Variants in FGB observed in about 807,000 individuals in gnomAD.
The protein encoded by FGB is fibrinogen beta chain, also known as beta-fibrinogen.
FGB carries 25 observed loss-of-function variants against 57.9 expected under a neutral mutation model. That is an observed-to-expected ratio of 0.43 (90% CI 0.31 to 0.60). The LOEUF (loss-of-function observed/expected upper bound fraction) is 0.60, where lower values mean the gene tolerates loss of function less well. FGB is among the 20% of genes least tolerant of loss of function. The probability of loss-of-function intolerance (pLI) is 0.08; values close to 1 mark genes in which losing one functional copy is unlikely to be tolerated. For missense variants in FGB, 536 were observed against 598.4 expected (o/e 0.90, Z 1.09); for synonymous variants, 203 against 199.2 (o/e 1.02, Z -0.16).
chr4:154,570,005 G>A lies in FGB; in HGVS notation c.1244+206G>A, dbSNP rs2227417. 0.016 allele frequency among the ~76,000 whole-genome samples: 2,506 copies of A among 152,268 alleles called. 60 individuals are homozygous for A. Among genetic ancestry groups the A allele is most frequent in the African/African-American group, 0.057 (2,354 of 41,536 alleles). Reference sequence around the variant, plus strand: ...TACAGATGAGATTTAGAGAGATTACGTGATTTGTCCAATGTCACACAACTA... The same window carrying A: ...TACAGATGAGATTTAGAGAGATTACATGATTTGTCCAATGTCACACAACTA... On this transcript the variant is annotated intron_variant, in intron 7 of 7. Coordinates refer to ENST00000302068, the MANE Select transcript of FGB (RefSeq NM_005141.5).
intron 4 of FGB, 114 bp downstream of exon 4, chr4:154,567,934 T>C (rs1730234371): frequency 2.4e-6 from 2 of 830,254 alleles, no homozygotes; most frequent in South Asian, 2.7e-5. Context: ...CAGATCATAA[T>C]GACATTACAG....
At position 154,571,339 on chromosome 4, in the gene FGB, A is replaced by G. The variant is rs1208291311; in HGVS notation, c.*689A>G. On this transcript the variant is annotated 3_prime_UTR_variant, in exon 8 of 8. Coordinates refer to ENST00000302068, the MANE Select transcript of FGB (RefSeq NM_005141.5). The stretch of plus-strand genomic sequence containing the variant: ...AATATGGTGAAACCCCATCTCTACT[A>G]AAAATACAAAAATTAGCCAGGCGTG... Among the ~76,000 whole-genome samples, 1 of 152,020 alleles carries G rather than the reference A, an allele frequency of 6.6e-6. No homozygotes were observed. The highest frequency in any genetic ancestry group is 1.9e-4 in the East Asian group (1 of 5,182).
chr4:154,563,231 T>C (rs1377168413), intron 1 of FGB, 99 bp downstream of exon 1: 3 of 603,574 alleles, frequency 5.0e-6, no homozygotes, highest in African/African-American at 3.7e-5. Flanking sequence ...TTAGCATTGC[T>C]TATAGTTATG....
chr4:154,568,527 T>A, intron 5 of FGB, 33 bp downstream of exon 5: 1 of 1,113,476 alleles, frequency 9.0e-7, no homozygotes, highest in Non-Finnish European at 1.4e-6. Flanking sequence ...CCTGTTGATC[T>A]GTAATTATTT....
At position 154,565,678 on chromosome 4, in the gene FGB, G is replaced by A. The variant is rs1040350456; in HGVS notation, c.115-130G>A. On this transcript the variant is annotated intron_variant, in intron 1 of 7. Transcript: ENST00000302068. ...CCTACAGATTCACTATCACCAACCA[G>A]CCAGTTGATGGATCTTAAGCAAATT... The A allele has an allele frequency of 3.3e-6, 3 of 908,546 alleles. No homozygotes were observed. In the African/African-American group the frequency reaches 5.0e-5, roughly 15 times the overall value. The allele number at this position is 908,546 out of a possible 1,614,324, so 56.3% of individuals were successfully genotyped here.
In FGB at chr4:154,570,590, G is replaced by T. The variant is rs745503243; in HGVS notation, c.1416G>T (p.Gly472=). 7 of 1,614,118 alleles carry T rather than the reference G, an allele frequency of 4.3e-6. No individual in the cohort carries two copies. The South Asian group carries it at 6.6e-5, about 15-fold the overall frequency. ...DDGVVWMNWK[G]SWYSMRKMSM... is the part of the protein sequence containing the mutation. ...GTGTAGTATGGATGAATTGGAAGGG[G>T]TCATGGTACTCAATGAGGAAGATGA... The change falls in exon 8 of 8, where the codon GGG becomes GGT. Residue 472 remains glycine (G), a synonymous_variant. Coordinates refer to ENST00000302068, the MANE Select transcript of FGB (RefSeq NM_005141.5).
At chr4:154,569,984 G>A (rs1730351167) in intron 7 of FGB, among the ~76,000 whole-genome samples, 185 bp downstream of exon 7, 1 of 152,166 alleles carries the variant, frequency 6.6e-6, no homozygotes. Context: ...TCATTTTACA[G>A]ATGAGATTTA....
intron 4 of FGB, 73 bp downstream of exon 4, chr4:154,567,893 A>C (rs976736491): frequency 9.3e-7 from 1 of 1,070,502 alleles, no homozygotes; most frequent in African/African-American, 1.5e-5. Context: ...GAACAACAAC[A>C]ACAACAAAAA....
intron 6 of FGB, 70 bp from the exon 7 acceptor site, chr4:154,569,444 G>C: frequency 6.3e-7 from 1 of 1,585,902 alleles, no homozygotes; most frequent in South Asian, 1.1e-5. Flanking sequence ...CTAAAGATAA[G>C]GGAAGAAAGG....
At chr4:154,565,359 C>T (rs1730111446) in intron 1 of FGB, 5 of 295,180 alleles carry the variant, frequency 1.7e-5, no homozygotes, top group South Asian at 1.3e-4. Flanking sequence ...TCTTTAATGT[C>T]TCTTAAATAT....
chr4:154,565,457 G>T (rs1730115056), intron 1 of FGB: 1 of 299,358 alleles, frequency 3.3e-6, no homozygotes, highest in Non-Finnish European at 6.5e-6. Context: ...AATCCAAGTG[G>T]CTTGAGAATA....
rs375136916 is a variant in FGB at position 154,566,480 on chromosome 4, T to G, written c.307-9T>G. On this transcript the variant is annotated splice_polypyrimidine_tract_variant and intron_variant, in intron 2 of 7. Transcript: ENST00000302068. ...TTCATCTAATGCCTGCTATTTTCTT[T>G]GTTTTTAGGGGGTGTTGTGTCCTAC... 3.1e-6 allele frequency: 5 copies of G among 1,613,846 alleles called. No homozygotes were observed. Among genetic ancestry groups the G allele is most frequent in the Non-Finnish European group, 4.2e-6 (5 of 1,179,902 alleles).
chr4:154,567,492 G>A, intron 3 of FGB, 101 bp from the exon 4 acceptor site: 2 of 746,686 alleles, frequency 2.7e-6, no homozygotes, highest in Non-Finnish European at 4.8e-6. Flanking sequence ...ATAGCTCAGT[G>A]TTTAATAGTT....
At chr4:154,563,573 T>C (rs1474704426) in intron 1 of FGB, among the ~76,000 whole-genome samples, 1 of 151,916 alleles carries the variant, frequency 6.6e-6, no homozygotes, top group East Asian at 1.9e-4. Context: ...ATATTGTTAC[T>C]GAGATTACTA....
rs199596249 is a variant in FGB at position 154,566,658 on chromosome 4, A to T, written c.476A>T (p.Gln159Leu). Reference protein sequence around the residue: ...YLLKDLWQKRQKQVKDNENVV... With the variant: ...YLLKDLWQKRLKQVKDNENVV... ...CTGAAAGACCTGTGGCAAAAGAGGCAGAAGCAAGTAAAAGGTAGATATCCT... is the reference window on the plus strand; with the variant it reads ...CTGAAAGACCTGTGGCAAAAGAGGCTGAAGCAAGTAAAAGGTAGATATCCT... The change falls in exon 3 of 8, where the codon CAG (glutamine) becomes CTG (leucine). Residue 159 changes from glutamine (Q) to leucine (L), a missense_variant. Physicochemically the swap from Gln to Leu is moderately radical, Grantham distance 113 (BLOSUM62 -2). This residue lies in a region of FGB where 354 missense variants were observed against 383.4 expected (regional missense o/e 0.92). Transcript: ENST00000302068. 128 of 1,614,034 alleles carry T rather than the reference A, an allele frequency of 7.9e-5. No homozygotes were observed. The highest frequency in any genetic ancestry group is 1.0e-4 in the Non-Finnish European group (121 of 1,180,006).
chr4:154,569,692 C>T lies in FGB; in HGVS notation c.1137C>T (p.Ala379=), dbSNP rs371254124. The change falls in exon 7 of 8, where the codon GCC becomes GCT. Residue 379 remains alanine (A), a synonymous_variant. Coordinates refer to ENST00000302068, the MANE Select transcript of FGB (RefSeq NM_005141.5). Reference sequence around the variant, plus strand: ...CAGTGAACAAATACAGAGGAACAGCCGGTAATGCCCTCATGGATGGAGCAT... The same window carrying T: ...CAGTGAACAAATACAGAGGAACAGCTGGTAATGCCCTCATGGATGGAGCAT... ...QISVNKYRGT[A]GNALMDGASQ... 1.1e-5 allele frequency: 18 copies of T among 1,613,900 alleles called. No individual in the cohort carries two copies. Among genetic ancestry groups the T allele is most frequent in the African/African-American group, 4.0e-5 (3 of 74,864 alleles).
At chr4:154,567,472 C>T (rs1296422039) in intron 3 of FGB, 121 bp from the exon 4 acceptor site, 1 of 688,858 alleles carries the variant, frequency 1.5e-6, no homozygotes, top group Non-Finnish European at 2.6e-6. Context: ...TATATCATAA[C>T]TGCTTGGTGA....
intron 3 of FGB, among the ~76,000 whole-genome samples, chr4:154,567,211 G>C (rs901302111): frequency 2.6e-5 from 4 of 152,106 alleles, no homozygotes; most frequent in Admixed American, 2.6e-4. Context: ...TAAATTTCAA[G>C]GTTCTGCTAT....
In FGB at chr4:154,566,016, T is replaced by C. The variant is rs1220370015; in HGVS notation, c.306+17T>C. 3 of 1,610,684 alleles carry C rather than the reference T, an allele frequency of 1.9e-6. No individual in the cohort carries two copies. The highest frequency in any genetic ancestry group is 2.5e-6 in the Non-Finnish European group (3 of 1,178,732). ...CCAGACCTGGTGGGTGCACTGATGT[T>C]TCTTGCAGTGGTGGCTCTCTCATGC... On this transcript the variant is annotated intron_variant, in intron 2 of 7. Coordinates refer to ENST00000302068, the MANE Select transcript of FGB (RefSeq NM_005141.5).
Sources: gnomAD v4.1 joint callset for allele counts (sites outside exome capture counted in the v4.1 genomes callset) on GRCh38, gnomAD v4.1.1 for gene constraint, gnomAD v4.1.1 regional missense constraint, MANE v1.5 for transcripts, NCBI Gene and HGNC (gene_info 2026-07-23, HGNC 2026-07-21) for gene names.